The following RNF128 variants were observed in gnomAD, a reference collection of about 807,000 sequenced individuals.
The protein encoded by RNF128 is E3 ubiquitin-protein ligase RNF128.
Under a neutral mutation model 26.2 loss-of-function variants are expected in RNF128, and 13 were observed. The observed-to-expected ratio is 0.50, with a 90% confidence interval of 0.32 to 0.79. The LOEUF (loss-of-function observed/expected upper bound fraction) is 0.79, where lower values mean the gene tolerates loss of function less well. Among genes scored for constraint, RNF128 ranks in the 30% least tolerant of loss-of-function variants. The pLI is 0.03. For synonymous variants in RNF128, 149 were observed against 142.5 expected (o/e 1.05, Z -0.32); for missense variants, 315 against 349.7 (o/e 0.90, Z 0.79).
chrX:106,727,856 AC>A (rs1332233145), intron 1 of RNF128, among the ~76,000 whole-genome samples: 1 of 110,746 alleles, frequency 9.0e-6, no homozygotes, highest in Non-Finnish European at 1.9e-5. Flanking sequence ...GGTATCAAAT[AC>A]TAGATTGTGC....
At chrX:106,734,873 C>T (rs1370350141) in intron 1 of RNF128, among the ~76,000 whole-genome samples, 1 of 111,912 alleles carries the variant, frequency 8.9e-6, no homozygotes, top group East Asian at 2.8e-4. Flanking sequence ...CTTCACTGCA[C>T]TGGGGTTATT....
Position 106,791,087 on chromosome X carries a change from G to A in RNF128, c.1006G>A (p.Val336Met). The A allele has an allele frequency of 8.3e-7, 1 of 1,207,440 alleles. No individual in the cohort carries two copies. The highest frequency in any genetic ancestry group is 1.7e-5 in the African/African-American group (1 of 57,628). ...GIEVDVEDGS[V>M]SLQVPVSNEI... ...AAAGGTGGATGTTGAAGATGGATCA[G>A]TGTCTTTACAAGTCCCTGTATCCAA... The change falls in exon 6 of 7, where the codon GTG (valine) becomes ATG (methionine). Residue 336 changes from valine to methionine, a missense_variant. Transcript: ENST00000255499.
At chrX:106,764,652 C>T (rs568391745) in intron 1 of RNF128, among the ~76,000 whole-genome samples, 1 of 110,520 alleles carries the variant, frequency 9.0e-6, no homozygotes, top group African/African-American at 3.3e-5. Context: ...GGGTAAGGAG[C>T]GAAACTCCGT....
Position 106,791,339 on chromosome X carries a change from A to G in RNF128, c.1153+105A>G, listed in dbSNP as rs1488451096. ...GCGTTTGTTCCATTCAGCCATTATC[A>G]TGATCCAGGTTTTTTCTACTTAAAA... On this transcript the variant is annotated intron_variant, in intron 6 of 6. Coordinates refer to ENST00000255499, the MANE Select transcript of RNF128 (RefSeq NM_194463.2). 3.9e-6 allele frequency: 3 copies of G among 776,726 alleles called. No individual in the cohort carries two copies. The East Asian group carries it at 1.0e-4, about 26-fold the overall frequency. The allele number at this position is 776,726 out of a possible 1,213,427, so 64.0% of individuals were successfully genotyped here.
At chrX:106,767,321 C>T (rs1930270038) in intron 1 of RNF128, among the ~76,000 whole-genome samples, 1 of 111,898 alleles carries the variant, frequency 8.9e-6, no homozygotes, top group Non-Finnish European at 1.9e-5. Context: ...GCCATTTTCA[C>T]AATATTGATT....
At chrX:106,767,871 T>A (rs2147692026) in intron 1 of RNF128, among the ~76,000 whole-genome samples, 1 of 111,917 alleles carries the variant, frequency 8.9e-6, no homozygotes, top group African/African-American at 3.2e-5. Context: ...TAGCTCTTAT[T>A]ATTTTGAGAT....
intron 2 of RNF128, among the ~76,000 whole-genome samples, chrX:106,781,768 T>A (rs902759307): frequency 8.9e-6 from 1 of 112,268 alleles, no homozygotes; most frequent in African/African-American, 3.2e-5. Flanking sequence ...AACATTAGTT[T>A]ATGCTATGCT....
chrX:106,713,272 G>A (rs1929160831), intron 1 of RNF128, among the ~76,000 whole-genome samples: 1 of 110,105 alleles, frequency 9.1e-6, no homozygotes, highest in South Asian at 3.9e-4. Flanking sequence ...ACTTTGGGAA[G>A]CCAAGGCGGG....
intron 1 of RNF128, among the ~76,000 whole-genome samples, chrX:106,696,444 G>A (rs979324567): frequency 1.8e-5 from 2 of 110,952 alleles, no homozygotes; most frequent in Admixed American, 1.9e-4. Context: ...TAGATGACCA[G>A]ACACTAGATC....
chrX:106,769,285 CGTT>C (rs1322490262), intron 1 of RNF128, among the ~76,000 whole-genome samples: 1 of 110,916 alleles, frequency 9.0e-6, no homozygotes. Context: ...CTTACTGTCT[CGTT>C]GATCTGTCTA....
chrX:106,706,185 G>A (rs1929039965), intron 1 of RNF128, among the ~76,000 whole-genome samples: 1 of 111,214 alleles, frequency 9.0e-6, no homozygotes. Context: ...CCATAGCCTT[G>A]GCCAAGGGTA....
chrX:106,733,658 A>G (rs1929538758), intron 1 of RNF128, among the ~76,000 whole-genome samples: 1 of 111,585 alleles, frequency 9.0e-6, no homozygotes, highest in South Asian at 3.8e-4. Flanking sequence ...AAGATATACA[A>G]ATCTGTTTTA....
At chrX:106,723,395 C>T (rs1046910994), upstream of RNF128, among the ~76,000 whole-genome samples, 13 of 110,435 alleles carry the variant, frequency 1.2e-4, no homozygotes, top group East Asian at 1.1e-3. Flanking sequence ...GGTGAAACCC[C>T]GTCTCTACTA....
chrX:106,739,359 A>T (rs1437968527), intron 1 of RNF128, among the ~76,000 whole-genome samples: 1 of 110,511 alleles, frequency 9.0e-6, no homozygotes, highest in Non-Finnish European at 1.9e-5. Flanking sequence ...GGGTTTCACC[A>T]TGTTGGCCAG....
At chrX:106,704,348 G>C (rs1007115586) in intron 1 of RNF128, among the ~76,000 whole-genome samples, 8 of 107,744 alleles carry the variant, frequency 7.4e-5, no homozygotes, top group Non-Finnish European at 1.5e-4. Flanking sequence ...TAGGAGAATG[G>C]CGTGAACCCG....
intron 1 of RNF128, among the ~76,000 whole-genome samples, chrX:106,737,685 G>A (rs773751968): frequency 9.5e-4 from 106 of 111,379 alleles, no homozygotes; most frequent in Non-Finnish European, 1.8e-3. Context: ...TCTTATCTTC[G>A]AAGATTTCAA....
intron 1 of RNF128, among the ~76,000 whole-genome samples, chrX:106,758,167 G>A (rs1357306311): frequency 8.9e-6 from 1 of 111,923 alleles, no homozygotes; most frequent in African/African-American, 3.2e-5. Flanking sequence ...AATCAAGTAA[G>A]TATTCCCATT....
chrX:106,721,857 G>A (rs773283929), upstream of RNF128, among the ~76,000 whole-genome samples: 5 of 111,750 alleles, frequency 4.5e-5, no homozygotes, highest in Non-Finnish European at 7.5e-5. Context: ...AATTCTCTCT[G>A]GGCCAGTTTT....
chrX:106,778,563 G>C (rs1463463260), intron 2 of RNF128, among the ~76,000 whole-genome samples: 1 of 111,896 alleles, frequency 8.9e-6, no homozygotes, highest in African/African-American at 3.3e-5. Flanking sequence ...CAGCCTGTCA[G>C]AGTTGCTTTT....
Sources: allele counts gnomAD v4.1 joint callset (sites outside exome capture counted in the v4.1 genomes callset), GRCh38; gene constraint gnomAD v4.1.1; transcripts MANE v1.5; gene names NCBI Gene and HGNC (gene_info 2026-07-23, HGNC 2026-07-21).